Variants in SMYD4 observed in about 807,000 individuals in gnomAD.
SMYD4 encodes the protein SET and MYND domain containing 4.
SMYD4 carries 68 observed loss-of-function variants against 72.8 expected under a neutral mutation model. That is an observed-to-expected ratio of 0.93 (90% confidence interval 0.77 to 1.14). SMYD4 has a LOEUF of 1.14. SMYD4 is among the 50% of genes most tolerant of loss of function. The probability of loss-of-function intolerance (pLI) is 0.00; values close to 1 mark genes in which losing one functional copy is unlikely to be tolerated. For synonymous variants in SMYD4, 407 were observed against 388.6 expected, an observed-to-expected ratio of 1.05 and a Z score of -0.56; for missense variants, 984 against 1,003.7, an observed-to-expected ratio of 0.98 and a Z score of 0.27.
At chr17:1,812,237 T>G in intron 2 of SMYD4, 122 bp from the exon 3 acceptor site, 1 of 1,124,214 alleles carries the variant, frequency 8.9e-7, no homozygotes, top group Non-Finnish European at 1.3e-6. Flanking sequence ...TGAGGATATG[T>G]ACATTGTGCA....
At chr17:1,814,422 C>T (rs1050921364) in intron 2 of SMYD4, 4 of 152,328 alleles carry the variant, frequency 2.6e-5, no homozygotes, top group African/African-American at 4.8e-5. Context: ...CAGTATAATG[C>T]TTTTGTGTTT....
intron 3 of SMYD4, among the ~76,000 whole-genome samples, chr17:1,807,588 T>C (rs1420103927): frequency 1.3e-5 from 2 of 150,520 alleles, no homozygotes; most frequent in Non-Finnish European, 3.0e-5. Context: ...GTCTTCAACT[T>C]CCAACCTCAG....
At chr17:1,809,363 ATTG>A (rs1373659907) in intron 3 of SMYD4, among the ~76,000 whole-genome samples, 2 of 133,812 alleles carry the variant, frequency 1.5e-5, no homozygotes, top group Admixed American at 1.4e-4. Flanking sequence ...CATTATTATT[ATTG>A]TTATTATTAT....
chr17:1,783,863 A>G (rs1022230992), intron 8 of SMYD4: 4 of 308,458 alleles, frequency 1.3e-5, no homozygotes, highest in African/African-American at 6.5e-5. Flanking sequence ...TTCAAGGGCA[A>G]TGGGGAGCTC....
Position 1,800,066 on chromosome 17 carries a change from C to G in SMYD4, c.1328G>C (p.Cys443Ser). The change falls in exon 5 of 11, where the codon TGT becomes TCT. Residue 443 changes from cysteine to serine, a missense_variant. Physicochemically the swap from Cys to Ser is moderately radical, Grantham distance 112 (BLOSUM62 -1). Coordinates refer to ENST00000305513, the MANE Select transcript of SMYD4 (RefSeq NM_052928.3). ...GCACAGTGCAGAAACACAGAGAGCA[C>G]AGAGGAATTTGTGCTCTGGGCTATG... ...ENHSPEHKFLCALCVSALCRQ... is the reference protein window; with the variant it reads ...ENHSPEHKFLSALCVSALCRQ... 1 of 1,612,534 alleles carries G rather than the reference C, an allele frequency of 6.2e-7. No individual in the cohort carries two copies. The highest frequency in any genetic ancestry group is 8.5e-7 in the Non-Finnish European group (1 of 1,178,890).
rs1276620303 is a variant in SMYD4, at chr17:1,779,719, G to A, written c.*1567C>T. ...CTCCATATTTACTTCTCTGGTCACG[G>A]TTCATACTCCACGATTTTAACAAAG... On this transcript the variant is annotated 3_prime_UTR_variant, in exon 11 of 11. Transcript: ENST00000305513. The A allele has an allele frequency of 6.6e-6, 1 of 152,338 alleles. No homozygotes were observed. Among genetic ancestry groups the A allele is most frequent in the Non-Finnish European group, 1.5e-5 (1 of 68,052 alleles). 9.4% of individuals were successfully genotyped at this position (152,338 alleles called of 1,614,324 possible). A position where few individuals can be genotyped will look rare whatever the true frequency, so the allele number is the denominator to read the frequency against.
chr17:1,823,843 C>T (rs1299893613), intron 2 of SMYD4, among the ~76,000 whole-genome samples: 2 of 152,122 alleles, frequency 1.3e-5, no homozygotes, highest in African/African-American at 2.4e-5. Context: ...GTGCCCAGGG[C>T]TGTGAATGGT....
chr17:1,787,175 A>G (rs1411030481), intron 6 of SMYD4, among the ~76,000 whole-genome samples: 3 of 152,242 alleles, frequency 2.0e-5, no homozygotes, highest in Non-Finnish European at 4.4e-5. Flanking sequence ...AGTTGTTCCT[A>G]GCCCATTTTC....
chr17:1,790,104 A>C (rs1460053668), intron 5 of SMYD4, among the ~76,000 whole-genome samples: 1 of 152,210 alleles, frequency 6.6e-6, no homozygotes, highest in Non-Finnish European at 1.5e-5. Context: ...TGTCGTCTGA[A>C]TAATCAGCCT....
chr17:1,821,769 A>G (rs1255192381), intron 2 of SMYD4, among the ~76,000 whole-genome samples: 2 of 151,918 alleles, frequency 1.3e-5, no homozygotes, highest in African/African-American at 4.8e-5. Context: ...CATCTCTACT[A>G]AATATACAAA....
intron 4 of SMYD4, among the ~76,000 whole-genome samples, chr17:1,802,265 C>G (rs773223845): frequency 1.3e-5 from 2 of 151,864 alleles, no homozygotes; most frequent in East Asian, 1.9e-4. Context: ...CCGAGGTGGG[C>G]GGATCACTTG....
intron 5 of SMYD4, 93 bp from the exon 6 acceptor site, chr17:1,787,697 C>A: frequency 7.6e-7 from 1 of 1,315,102 alleles, no homozygotes; most frequent in East Asian, 2.5e-5. Context: ...GGCAGCTAGG[C>A]CTGCAGCCCG....
At chr17:1,822,188 C>A (rs1314445378) in intron 2 of SMYD4, among the ~76,000 whole-genome samples, 1 of 151,892 alleles carries the variant, frequency 6.6e-6, no homozygotes, top group Non-Finnish European at 1.5e-5. Flanking sequence ...GAACAGAGAT[C>A]GCGCCACTGC....
intron 3 of SMYD4, 74 bp from the exon 4 acceptor site, chr17:1,804,789 G>T: frequency 1.4e-6 from 2 of 1,466,466 alleles, no homozygotes; most frequent in South Asian, 1.1e-5. Flanking sequence ...AGATATTCCG[G>T]GCTCTAGTAC....
intron 2 of SMYD4, among the ~76,000 whole-genome samples, chr17:1,816,581 C>CG (rs1400066950): frequency 4.0e-5 from 6 of 150,258 alleles, no homozygotes; most frequent in African/African-American, 1.5e-4. Flanking sequence ...GAGCACACCA[C>CG]GGCACTCCAC....
intron 8 of SMYD4, 133 bp downstream of exon 8, chr17:1,784,193 G>T: frequency 7.1e-7 from 1 of 1,408,422 alleles, no homozygotes; most frequent in Non-Finnish European, 9.7e-7. Flanking sequence ...GGCCTATATA[G>T]CCATCTTGTG....
chr17:1,791,417 CAA>C (rs1215765722), intron 5 of SMYD4, among the ~76,000 whole-genome samples: 2 of 152,062 alleles, frequency 1.3e-5, no homozygotes, highest in Non-Finnish European at 2.9e-5. Context: ...AGGTTTTTGT[CAA>C]AGTCTATCCT....
At chr17:1,826,934 T>C (rs1013154894) in intron 2 of SMYD4, among the ~76,000 whole-genome samples, 2 of 152,044 alleles carry the variant, frequency 1.3e-5, no homozygotes, top group African/African-American at 4.8e-5. Flanking sequence ...GCGGATCATT[T>C]GAGGGCAGGA....
intron 3 of SMYD4, among the ~76,000 whole-genome samples, chr17:1,807,485 T>C (rs1247005177): frequency 6.6e-6 from 1 of 150,528 alleles, no homozygotes; most frequent in Non-Finnish European, 1.5e-5. Context: ...CTCAGCCTCC[T>C]GAGTAGCTGG....
Sources: allele counts gnomAD v4.1 joint callset (sites outside exome capture counted in the v4.1 genomes callset), GRCh38; gene constraint gnomAD v4.1.1; transcripts MANE v1.5; gene names NCBI Gene and HGNC (gene_info 2026-07-23, HGNC 2026-07-21).